Variants in PAMR1 observed in about 807,000 individuals in gnomAD.
PAMR1 encodes the protein peptidase domain containing associated with muscle regeneration 1.
Under a neutral mutation model 81.8 loss-of-function variants are expected in PAMR1, and 88 were observed. The observed-to-expected ratio is 1.08, with a 90% CI of 0.91 to 1.28. The LOEUF is 1.28. Among genes scored for constraint, PAMR1 ranks in the 50% most tolerant of loss-of-function variants. PAMR1 has a pLI of 0.00. For missense variants in PAMR1, 935 were observed against 919.7 expected, an observed-to-expected ratio of 1.02 and a Z score of -0.21; for synonymous variants, 336 against 345.3, an observed-to-expected ratio of 0.97 and a Z score of 0.30.
At chr11:35,460,519 C>T (rs1856630859) in intron 6 of PAMR1, among the ~76,000 whole-genome samples, 2 of 152,086 alleles carry the variant, frequency 1.3e-5, no homozygotes, top group Non-Finnish European at 2.9e-5. Context: ...TGTTCCCCTT[C>T]CTGTGTCCAA....
At chr11:35,456,706 A>G (rs1003042558) in intron 6 of PAMR1, among the ~76,000 whole-genome samples, 1 of 152,216 alleles carries the variant, frequency 6.6e-6, no homozygotes, top group Non-Finnish European at 1.5e-5. Context: ...ATTTTCAAAC[A>G]TGCTGCATAG....
At chr11:35,485,849 A>G (rs1850490046) in intron 3 of PAMR1, among the ~76,000 whole-genome samples, 1 of 152,208 alleles carries the variant, frequency 6.6e-6, no homozygotes, top group Non-Finnish European at 1.5e-5. Context: ...AAGCGCCTTC[A>G]GGATAACGTT....
At chr11:35,495,092 A>G (rs1334193852) in intron 1 of PAMR1, among the ~76,000 whole-genome samples, 5 of 152,248 alleles carry the variant, frequency 3.3e-5, no homozygotes, top group African/African-American at 9.6e-5. Flanking sequence ...TTTGGAGACC[A>G]GTCTCCACAC....
rs753963243 is a variant in PAMR1 at position 35,470,743 on chromosome 11, G to A, written c.570C>T (p.Arg190=). 1.1e-5 allele frequency: 17 copies of A among 1,614,006 alleles called. No homozygotes were observed. Among genetic ancestry groups the A allele is most frequent in the Middle Eastern group, 3.3e-4 (2 of 6,062 alleles). Residue 190 remains arginine (R), a synonymous_variant, in exon 5 of 11, where the codon CGC becomes CGT. Transcript: ENST00000619888. The part of the protein sequence containing the change: ...DYVEVRDGDN[R]DGQIIKRVCG... ...AGACACGCTTGATGATCTGGCCATC[G>A]CGGTTGTCTCCATCACGAACCTCAA...
chr11:35,522,822 C>T (rs531624889), intron 1 of PAMR1, among the ~76,000 whole-genome samples: 9 of 152,180 alleles, frequency 5.9e-5, no homozygotes, highest in East Asian at 1.9e-4. Flanking sequence ...CTGTAAAACA[C>T]GGATAATAAC....
At position 35,494,113 on chromosome 11, in the gene PAMR1, G is replaced by A; in HGVS notation, c.233C>T (p.Ser78Phe). The change falls in exon 2 of 11, where the codon TCC becomes TTC. Residue 78 changes from serine to phenylalanine, a missense_variant. Transcript: ENST00000619888. ...CCRNEENECD[S>F]CLIHPGCTIF... Reference sequence around the variant, plus strand: ...ACACTCACCTGGGTGGATCAGGCAGGAGTCACACTCATTCTCCTCATTCCT... The same window carrying A: ...ACACTCACCTGGGTGGATCAGGCAGAAGTCACACTCATTCTCCTCATTCCT... 6.2e-7 allele frequency: 1 copy of A among 1,614,064 alleles called. No homozygotes were observed. The highest frequency in any genetic ancestry group is 8.5e-7 in the Non-Finnish European group (1 of 1,179,942).
At chr11:35,499,940 G>A (rs1019622839) in intron 1 of PAMR1, among the ~76,000 whole-genome samples, 2 of 152,156 alleles carry the variant, frequency 1.3e-5, no homozygotes, top group Non-Finnish European at 2.9e-5. Flanking sequence ...GAGGCAGGAT[G>A]GTCAGAGTCA....
chr11:35,525,610 G>C lies in PAMR1; in HGVS notation c.-25C>G, dbSNP rs766767152. On this transcript the variant is annotated 5_prime_UTR_variant, in exon 1 of 11. Coordinates refer to ENST00000619888, the MANE Select transcript of PAMR1 (RefSeq NM_001001991.3). ...TCCTTGCCGCGGCTGGTGCCCGAGCGTCTACTGGGGAGGGAGAGGAGGGAC... is the reference window on the plus strand; with the variant it reads ...TCCTTGCCGCGGCTGGTGCCCGAGCCTCTACTGGGGAGGGAGAGGAGGGAC... 2.4e-5 allele frequency: 39 copies of C among 1,609,860 alleles called. No homozygotes were observed. The highest frequency in any genetic ancestry group is 3.1e-5 in the Non-Finnish European group (37 of 1,177,146).
At chr11:35,529,070 T>C (rs1035028375), upstream of PAMR1, 3 of 152,216 alleles carry the variant, frequency 2.0e-5, no homozygotes, top group Admixed American at 1.3e-4. Context: ...TCTGTTTTCC[T>C]ACACAAGTTT....
intron 5 of PAMR1, 58 bp downstream of exon 5, chr11:35,470,543 A>G: frequency 7.8e-7 from 1 of 1,273,892 alleles, no homozygotes; most frequent in South Asian, 1.2e-5. Context: ...GGACATGGAA[A>G]GGAGATATTT....
At chr11:35,509,761 A>C (rs1361189350) in intron 1 of PAMR1, among the ~76,000 whole-genome samples, 10 of 152,180 alleles carry the variant, frequency 6.6e-5, no homozygotes, top group Non-Finnish European at 1.5e-4. Context: ...AGGGGTTCAC[A>C]GAATTCCAGG....
chr11:35,442,449 A>G (rs950998872), intron 6 of PAMR1, among the ~76,000 whole-genome samples: 1 of 152,170 alleles, frequency 6.6e-6, no homozygotes, highest in African/African-American at 2.4e-5. Flanking sequence ...GATAGGTAAC[A>G]TATTTCTCTC....
chr11:35,472,367 A>G (rs1013848608), intron 4 of PAMR1, among the ~76,000 whole-genome samples: 1 of 152,228 alleles, frequency 6.6e-6, no homozygotes, highest in African/African-American at 2.4e-5. Context: ...TACTGAACAC[A>G]TATTTCTGGA....
intron 2 of PAMR1, 35 bp from the exon 3 acceptor site, chr11:35,492,208 A>G (rs1177605822): frequency 6.8e-6 from 11 of 1,611,888 alleles, no homozygotes; most frequent in African/African-American, 1.3e-5. Context: ...TGTTAGGCCA[A>G]AGCACCTGCG....
At chr11:35,521,275 T>A (rs1851271549) in intron 1 of PAMR1, among the ~76,000 whole-genome samples, 1 of 152,206 alleles carries the variant, frequency 6.6e-6, no homozygotes, top group Non-Finnish European at 1.5e-5. Context: ...ATGTACCAGA[T>A]GCTCTGAAAA....
intron 6 of PAMR1, among the ~76,000 whole-genome samples, chr11:35,444,885 T>A (rs1316450216): frequency 6.6e-6 from 1 of 152,250 alleles, no homozygotes; most frequent in Non-Finnish European, 1.5e-5. Flanking sequence ...AGAATGTCAA[T>A]GCTAGTTTGA....
chr11:35,477,717 TGACCTTG>T (rs1565344062), intron 3 of PAMR1, among the ~76,000 whole-genome samples: 1 of 152,226 alleles, frequency 6.6e-6, no homozygotes. Context: ...AGCAGAGATA[TGACCTTG>T]GATCTGTCTA....
intron 4 of PAMR1, among the ~76,000 whole-genome samples, chr11:35,471,178 A>G (rs1850170388): frequency 6.6e-6 from 1 of 151,960 alleles, no homozygotes; most frequent in Admixed American, 6.6e-5. Flanking sequence ...CTCTCCTCAA[A>G]GAGGCTTCCC....
At chr11:35,440,708 A>G (rs748495838) in intron 7 of PAMR1, among the ~76,000 whole-genome samples, 1 of 152,182 alleles carries the variant, frequency 6.6e-6, no homozygotes, top group Non-Finnish European at 1.5e-5. Context: ...TCTCTATACA[A>G]TATTCCACTT....
Sources: allele counts gnomAD v4.1 joint callset (sites outside exome capture counted in the v4.1 genomes callset), GRCh38; gene constraint gnomAD v4.1.1; transcripts MANE v1.5; gene names NCBI Gene and HGNC (gene_info 2026-07-23, HGNC 2026-07-21).